The following CDH18 variants were observed in gnomAD, a reference collection of about 807,000 sequenced individuals.
CDH18 encodes the protein cadherin 18, also known as cadherin-18.
Under a neutral mutation model 67.9 loss-of-function variants are expected in CDH18, and 31 were observed. The ratio of observed to expected loss-of-function variants is 0.46; its 90% CI spans 0.34 to 0.62. The LOEUF (loss-of-function observed/expected upper bound fraction) is 0.62, where lower values mean the gene tolerates loss of function less well. Ranked by LOEUF, CDH18 falls within the 20% of genes least tolerant of loss-of-function variation. The probability of loss-of-function intolerance (pLI) is 0.01; values close to 1 mark genes in which losing one functional copy is unlikely to be tolerated. For synonymous variants in CDH18, 362 were observed against 347.2 expected, an observed-to-expected ratio of 1.04 and a Z score of -0.48; for missense variants, 890 against 975.5, an observed-to-expected ratio of 0.91 and a Z score of 1.17.
chr5:19,594,870 T>A (rs1745916515), intron 6 of CDH18, among the ~76,000 whole-genome samples: 1 of 151,808 alleles, frequency 6.6e-6, no homozygotes, highest in African/African-American at 2.4e-5. Context: ...TCCAATAAGA[T>A]CAGGAACAAA....
At chr5:19,732,250 G>T (rs1767698632) in intron 4 of CDH18, among the ~76,000 whole-genome samples, 1 of 151,944 alleles carries the variant, frequency 6.6e-6, no homozygotes, top group Non-Finnish European at 1.5e-5. Context: ...AGACCAGCCT[G>T]GGCAACATAG....
intron 2 of CDH18, among the ~76,000 whole-genome samples, chr5:19,923,936 G>A (rs894863237): frequency 5.9e-5 from 9 of 152,134 alleles, no homozygotes; most frequent in African/African-American, 1.7e-4. Flanking sequence ...CCCATCCCCC[G>A]GTGAGATGTG....
chr5:20,075,981 C>A (rs1743896251), intron 2 of CDH18, among the ~76,000 whole-genome samples: 1 of 152,056 alleles, frequency 6.6e-6, no homozygotes, highest in African/African-American at 2.4e-5. Context: ...GCCAAATTAG[C>A]TATTGAGTAA....
intron 1 of CDH18, among the ~76,000 whole-genome samples, chr5:20,557,200 C>T (rs935358406): frequency 6.6e-6 from 1 of 151,862 alleles, no homozygotes; most frequent in East Asian, 1.9e-4. Context: ...TATAATAAGA[C>T]ATTTTATAAG....
intron 7 of CDH18, among the ~76,000 whole-genome samples, chr5:19,579,078 A>C (rs1239997953): frequency 1.3e-5 from 2 of 151,988 alleles, no homozygotes; most frequent in Non-Finnish European, 2.9e-5. Flanking sequence ...GATTTATTAA[A>C]TCTATCAACC....
At chr5:20,086,923 T>G (rs1745004199) in intron 2 of CDH18, among the ~76,000 whole-genome samples, 1 of 152,186 alleles carries the variant, frequency 6.6e-6, no homozygotes, top group Admixed American at 6.5e-5. Context: ...TAGTTCAGTC[T>G]TACTAAGAAA....
intron 3 of CDH18, among the ~76,000 whole-genome samples, chr5:19,785,521 G>A (rs1220504479): frequency 1.3e-5 from 2 of 150,100 alleles, no homozygotes; most frequent in African/African-American, 2.5e-5. Context: ...AGGCATGGTG[G>A]TGCATGCCTG....
chr5:20,295,515 T>G (rs1747418574), intron 1 of CDH18, among the ~76,000 whole-genome samples: 1 of 151,942 alleles, frequency 6.6e-6, no homozygotes, highest in African/African-American at 2.4e-5. Flanking sequence ...GATCACGAGG[T>G]CAAGAGATCA....
intron 3 of CDH18, among the ~76,000 whole-genome samples, chr5:19,781,513 A>G (rs1248971594): frequency 6.6e-6 from 1 of 152,174 alleles, no homozygotes. Context: ...TCCCAAAACC[A>G]GGCACTATGT....
Position 20,305,114 on chromosome 5 carries a change from C to A in CDH18, c.-579-49609G>T, listed in dbSNP as rs1317223718. On this transcript the variant is annotated intron_variant, in intron 1 of 14. Coordinates refer to the CDH18 transcript ENST00000507958. Reference sequence around the variant, plus strand: ...GTAGGGCCATTTGCAGCAAGAGAACCAAAGGCTACCTTGGGCTCTGCCACT... The same window carrying A: ...GTAGGGCCATTTGCAGCAAGAGAACAAAAGGCTACCTTGGGCTCTGCCACT... 5 of 1,543,210 alleles carry A rather than the reference C, an allele frequency of 3.2e-6. No homozygotes were observed. In the South Asian group the frequency reaches 3.4e-5, roughly 10 times the overall value.
At chr5:19,712,087 T>C (rs545338872) in intron 5 of CDH18, among the ~76,000 whole-genome samples, 4 of 152,168 alleles carry the variant, frequency 2.6e-5, no homozygotes, top group African/African-American at 4.8e-5. Context: ...TTTTCTCTTA[T>C]AAGTGAAAGC....
At chr5:19,709,297 G>C (rs548106268) in intron 5 of CDH18, among the ~76,000 whole-genome samples, 1 of 152,280 alleles carries the variant, frequency 6.6e-6, no homozygotes, top group South Asian at 2.1e-4. Flanking sequence ...GCCCAGCACG[G>C]TGGCTCATGC....
chr5:20,573,195 C>T (rs980961179), intron 1 of CDH18, among the ~76,000 whole-genome samples: 2 of 151,750 alleles, frequency 1.3e-5, no homozygotes, highest in Admixed American at 1.3e-4. Flanking sequence ...GAAGAATGTC[C>T]TAGTGCAAGA....
At chr5:20,511,738 C>T (rs1422088792) in intron 1 of CDH18, among the ~76,000 whole-genome samples, 2 of 152,152 alleles carry the variant, frequency 1.3e-5, no homozygotes, top group Non-Finnish European at 2.9e-5. Context: ...TTGTGGACCT[C>T]CTTGTCTCAT....
At chr5:20,356,903 A>G (rs1008218473) in intron 1 of CDH18, among the ~76,000 whole-genome samples, 1 of 150,386 alleles carries the variant, frequency 6.6e-6, no homozygotes, top group Non-Finnish European at 1.5e-5. Flanking sequence ...ATGCATGTAT[A>G]TATACGTGTG....
chr5:19,824,163 T>C (rs773022533), intron 3 of CDH18, among the ~76,000 whole-genome samples: 13 of 152,190 alleles, frequency 8.5e-5, no homozygotes, highest in Non-Finnish European at 1.8e-4. Flanking sequence ...TGGAATAATA[T>C]ACGTGGTCCA....
At chr5:19,871,780 C>G (rs1373714874) in intron 2 of CDH18, among the ~76,000 whole-genome samples, 1 of 152,082 alleles carries the variant, frequency 6.6e-6, no homozygotes, top group Non-Finnish European at 1.5e-5. Flanking sequence ...TTTTATAGAA[C>G]AGGCCTGAAT....
chr5:20,287,397 GCCT>G (rs778631629), intron 1 of CDH18, among the ~76,000 whole-genome samples: 3 of 151,562 alleles, frequency 2.0e-5, no homozygotes, highest in Non-Finnish European at 4.4e-5. Flanking sequence ...ATAATATTGT[GCCT>G]CCTTTTTCCA....
intron 2 of CDH18, among the ~76,000 whole-genome samples, chr5:20,219,312 G>A (rs1488531895): frequency 1.3e-5 from 2 of 151,582 alleles, no homozygotes; most frequent in South Asian, 2.1e-4. Flanking sequence ...AACAACACTA[G>A]GTATCAAGAT....
Sources: gnomAD v4.1 joint callset for allele counts (sites outside exome capture counted in the v4.1 genomes callset) on GRCh38, gnomAD v4.1.1 for gene constraint, MANE v1.5 for transcripts, NCBI Gene and HGNC (gene_info 2026-07-23, HGNC 2026-07-21) for gene names.